GLT1D1: variants seen among roughly 807,000 people sequenced by gnomAD.
GLT1D1 encodes the protein glycosyltransferase 1 domain-containing protein 1.
A neutral mutation model predicts 28.7 loss-of-function variants in GLT1D1; 21 were observed. That is an observed-to-expected ratio of 0.73 (90% CI 0.52 to 1.05). GLT1D1 has a LOEUF of 1.05. GLT1D1 is among the 50% of genes least tolerant of loss of function. The pLI is 0.00. For missense variants in GLT1D1, 343 were observed against 330.6 expected (o/e 1.04, Z -0.29); for synonymous variants, 147 against 124.8 (o/e 1.18, Z -1.19).
chr12:128,963,632 A>T (rs1331669208), intron 7 of GLT1D1, among the ~76,000 whole-genome samples: 1 of 152,168 alleles, frequency 6.6e-6, no homozygotes, highest in Non-Finnish European at 1.5e-5. Context: ...GGTGAGAGTG[A>T]GACTCCGTCT....
At chr12:128,951,622 A>G (rs968689092) in intron 6 of GLT1D1, among the ~76,000 whole-genome samples, 7 of 152,064 alleles carry the variant, frequency 4.6e-5, no homozygotes, top group African/African-American at 1.4e-4. Context: ...CAAGCCTGTG[A>G]GTCATGCACG....
At chr12:128,872,838 C>A (rs11059990) in intron 1 of GLT1D1, among the ~76,000 whole-genome samples, 17,224 of 152,072 alleles carry the variant, frequency 0.11, 1,090 homozygotes, top group South Asian at 0.22. Flanking sequence ...TACAAAAGCT[C>A]GTGTGTCTCT....
At chr12:128,913,008 T>C (rs1871703869) in intron 4 of GLT1D1, among the ~76,000 whole-genome samples, 1 of 152,154 alleles carries the variant, frequency 6.6e-6, no homozygotes, top group African/African-American at 2.4e-5. Context: ...GCGGATCACT[T>C]AACATTTTCT....
chr12:128,959,430 A>T (rs1263328955), intron 7 of GLT1D1, among the ~76,000 whole-genome samples: 1 of 36,460 alleles, frequency 2.7e-5, no homozygotes, highest in Non-Finnish European at 5.4e-5. Context: ...ACGGGTGGGG[A>T]GGTGGCAGCG....
At chr12:128,960,275 G>A (rs73418603) in intron 7 of GLT1D1, among the ~76,000 whole-genome samples, 7,181 of 152,002 alleles carry the variant, frequency 0.047, 534 homozygotes, top group African/African-American at 0.16. Flanking sequence ...CGTGGATGTC[G>A]CACCTGGTTC....
intron 7 of GLT1D1, among the ~76,000 whole-genome samples, chr12:128,970,110 C>T (rs1443932385): frequency 6.6e-6 from 1 of 152,176 alleles, no homozygotes; most frequent in Non-Finnish European, 1.5e-5. Context: ...TCTGGGGTAT[C>T]CTGGAATTCA....
intron 4 of GLT1D1, among the ~76,000 whole-genome samples, chr12:128,908,773 C>T (rs1328305818): frequency 6.6e-6 from 1 of 151,964 alleles, no homozygotes; most frequent in Non-Finnish European, 1.5e-5. Context: ...CACGGTGAAA[C>T]CCCGTCTCTA....
intron 4 of GLT1D1, among the ~76,000 whole-genome samples, chr12:128,914,255 C>T (rs548791826): frequency 2.6e-5 from 4 of 152,094 alleles, no homozygotes; most frequent in Admixed American, 6.5e-5. Flanking sequence ...GGGAATTTTA[C>T]AGGGAGGTAT....
chr12:128,937,492 G>T (rs1874688935), intron 4 of GLT1D1, among the ~76,000 whole-genome samples: 1 of 152,154 alleles, frequency 6.6e-6, no homozygotes, highest in Non-Finnish European at 1.5e-5. Context: ...TCTGGACAGG[G>T]TGATGGGAAA....
rs546551183 is a variant in GLT1D1, at chr12:128,910,526, G to C, written c.375+11239G>C. ...CCATCTTCAAGATGTTGCCAGGCGA[G>C]TGTTTTGGACACAGGGTTGTTTTAG... On this transcript the variant is annotated intron_variant, in intron 4 of 7. Transcript: ENST00000281703. Among the ~76,000 whole-genome samples the C allele has an allele frequency of 1.5e-3, 229 of 152,200 alleles. 1 individual carries two copies. Among genetic ancestry groups the C allele is most frequent in the Non-Finnish European group, 2.6e-3 (176 of 68,032 alleles).
At chr12:128,922,815 C>G (rs1872774827) in intron 4 of GLT1D1, among the ~76,000 whole-genome samples, 1 of 150,844 alleles carries the variant, frequency 6.6e-6, no homozygotes, top group Non-Finnish European at 1.5e-5. Context: ...CTCAGCTACT[C>G]AGGGAGCTGA....
intron 4 of GLT1D1, among the ~76,000 whole-genome samples, chr12:128,924,818 G>T (rs948879065): frequency 2.0e-5 from 3 of 152,100 alleles, no homozygotes; most frequent in African/African-American, 7.2e-5. Context: ...GAAGCACAAA[G>T]TCTTCCCCCG....
intron 4 of GLT1D1, among the ~76,000 whole-genome samples, chr12:128,911,470 CA>C (rs1177589410): frequency 6.6e-6 from 1 of 152,214 alleles, no homozygotes; most frequent in East Asian, 1.9e-4. Context: ...CGAGGAAGGA[CA>C]GGGGTGTGTC....
chr12:128,982,474 A>C (rs1440363072), intron 7 of GLT1D1, among the ~76,000 whole-genome samples: 1 of 152,130 alleles, frequency 6.6e-6, no homozygotes, highest in Non-Finnish European at 1.5e-5. Context: ...GAACAACACA[A>C]AGGAAAAGAA....
chr12:128,941,058 T>C (rs923191387), intron 4 of GLT1D1, among the ~76,000 whole-genome samples: 2 of 152,220 alleles, frequency 1.3e-5, no homozygotes, highest in Non-Finnish European at 2.9e-5. Context: ...TTTGGCCATT[T>C]CATAGACATG....
At chr12:128,962,676 G>C (rs1443117952) in intron 7 of GLT1D1, among the ~76,000 whole-genome samples, 1 of 152,186 alleles carries the variant, frequency 6.6e-6, no homozygotes. Context: ...ATTTATAAAT[G>C]CAGACAACTC....
At position 128,902,734 on chromosome 12, in the gene GLT1D1, T is replaced by C. The variant is rs548883755; in HGVS notation, c.375+3447T>C. Among the ~76,000 whole-genome samples the C allele has an allele frequency of 8.0e-4, 121 of 151,626 alleles. 3 individuals are homozygous for C. The highest frequency in any genetic ancestry group is 1.6e-3 in the Non-Finnish European group (107 of 67,960). On this transcript the variant is annotated intron_variant, in intron 4 of 7. Transcript: ENST00000281703. ...AGCAAACGTGGGAACCCAACTGTGT[T>C]GGTTAAGACAGACATTAAAGAAATA...
intron 4 of GLT1D1, among the ~76,000 whole-genome samples, chr12:128,931,370 C>T (rs708368): frequency 1.4e-5 from 2 of 146,356 alleles, no homozygotes; most frequent in East Asian, 4.0e-4. Flanking sequence ...TGCAGTGGTG[C>T]GATCTCGGCT....
At chr12:128,935,090 A>G (rs1874404074) in intron 4 of GLT1D1, among the ~76,000 whole-genome samples, 1 of 152,226 alleles carries the variant, frequency 6.6e-6, no homozygotes, top group Non-Finnish European at 1.5e-5. Flanking sequence ...CAGGCTGGAA[A>G]TGCTTCAGCA....
Sources: allele counts gnomAD v4.1 joint callset (sites outside exome capture counted in the v4.1 genomes callset), GRCh38; gene constraint gnomAD v4.1.1; transcripts MANE v1.5; gene names NCBI Gene and HGNC (gene_info 2026-07-23, HGNC 2026-07-21).